COP1: variants seen among roughly 807,000 people sequenced by gnomAD.
COP1 encodes E3 ubiquitin-protein ligase COP1.
In COP1, 24 loss-of-function variants were observed where a neutral mutation model predicts 101.3. The ratio of observed to expected loss-of-function variants is 0.24; its 90% CI spans 0.17 to 0.33. The LOEUF (loss-of-function observed/expected upper bound fraction) is 0.33, where lower values mean the gene tolerates loss of function less well. Among genes scored for constraint, COP1 ranks in the 10% least tolerant of loss-of-function variants. The pLI is 1.00. For synonymous variants in COP1, 347 were observed against 341.9 expected, an observed-to-expected ratio of 1.01 and a Z score of -0.17; for missense variants, 663 against 906.2, an observed-to-expected ratio of 0.73 and a Z score of 3.45.
At chr1:175,995,109 C>A (rs144333952) in intron 15 of COP1, among the ~76,000 whole-genome samples, 1 of 152,176 alleles carries the variant, frequency 6.6e-6, no homozygotes, top group African/African-American at 2.4e-5. Context: ...AACCGCTCAA[C>A]TACATGGAAA....
intron 2 of COP1, among the ~76,000 whole-genome samples, chr1:176,179,064 T>C (rs1309694642): frequency 2.0e-5 from 3 of 149,260 alleles, no homozygotes; most frequent in South Asian, 4.3e-4. Flanking sequence ...CCACGGTGGG[T>C]GGATCACTTG....
At position 176,206,903 on chromosome 1, in the gene COP1, A is replaced by G. The variant is rs1700924043; in HGVS notation, c.76T>C (p.Ser26Pro). The G allele has an allele frequency of 2.0e-6, 3 of 1,465,812 alleles. No homozygotes were observed. The highest frequency in any genetic ancestry group is 1.3e-5 in the South Asian group (1 of 77,450). The allele number at this position is 1,465,812 out of a possible 1,614,324, so 90.8% of individuals were successfully genotyped here. ...GAAGAGGATAAAGACGAGGAGGCGG[A>G]AGTCACCGAGGAGGCCGCCGAGGAC... ...PGSSAASSVT[S>P]ASSSLSSSPS... is the part of the protein sequence containing the mutation. The change falls in exon 1 of 20, where the codon TCC (serine) becomes CCC (proline). Residue 26 changes from serine to proline, a missense_variant. Physicochemically the swap from Ser to Pro is moderately conservative, Grantham distance 74 (BLOSUM62 -1). This residue lies in a region of COP1 where 204 missense variants were observed against 203.6 expected (regional missense o/e 1.00). Coordinates refer to ENST00000367669, the MANE Select transcript of COP1 (RefSeq NM_022457.7).
At chr1:176,203,937 C>G (rs780179035) in intron 1 of COP1, among the ~76,000 whole-genome samples, 1 of 152,162 alleles carries the variant, frequency 6.6e-6, no homozygotes, top group Non-Finnish European at 1.5e-5. Context: ...ACCACCCACC[C>G]CAGCCTCCAA....
chr1:175,947,173 G>A, intron 19 of COP1, 22 bp downstream of exon 19: 1 of 1,552,490 alleles, frequency 6.4e-7, no homozygotes, highest in Non-Finnish European at 8.9e-7. Flanking sequence ...AGTTTAAAAT[G>A]GAGATATAGT....
intron 6 of COP1, among the ~76,000 whole-genome samples, chr1:176,147,773 G>A (rs1691786350): frequency 6.6e-6 from 1 of 152,146 alleles, no homozygotes; most frequent in Admixed American, 6.5e-5. Context: ...CACATCAAAG[G>A]CCAAATGAAG....
intron 14 of COP1, among the ~76,000 whole-genome samples, chr1:176,041,032 G>A (rs1218751590): frequency 6.6e-6 from 1 of 151,430 alleles, no homozygotes; most frequent in Non-Finnish European, 1.5e-5. Context: ...ACAAGAAACA[G>A]AAAAAAAAGG....
chr1:176,114,355 G>A (rs949537161), intron 9 of COP1, among the ~76,000 whole-genome samples: 3 of 152,072 alleles, frequency 2.0e-5, no homozygotes, highest in African/African-American at 7.2e-5. Flanking sequence ...ACAGGATGAT[G>A]TACAGAGTAG....
At chr1:176,168,105 T>C (rs1418212222) in intron 3 of COP1, among the ~76,000 whole-genome samples, 6 of 151,978 alleles carry the variant, frequency 3.9e-5, no homozygotes, top group African/African-American at 1.2e-4. Context: ...TCGCCCAGGC[T>C]GGAGTGCAAT....
chr1:176,094,107 A>G (rs1382838452), intron 9 of COP1, among the ~76,000 whole-genome samples: 1 of 152,104 alleles, frequency 6.6e-6, no homozygotes, highest in Non-Finnish European at 1.5e-5. Context: ...AATAATTAAC[A>G]ATAATCAGGA....
At chr1:176,173,383 C>T (rs1396259965) in intron 3 of COP1, among the ~76,000 whole-genome samples, 1 of 146,524 alleles carries the variant, frequency 6.8e-6, no homozygotes, top group Non-Finnish European at 1.5e-5. Context: ...CATCTGTAAT[C>T]CCGACACTTT....
intron 11 of COP1, among the ~76,000 whole-genome samples, chr1:176,068,090 G>C (rs1420967253): frequency 6.6e-6 from 1 of 152,202 alleles, no homozygotes; most frequent in Non-Finnish European, 1.5e-5. Flanking sequence ...AGGTATATGG[G>C]AAATCTCTGT....
chr1:175,965,162 G>T (rs545543633), intron 18 of COP1, among the ~76,000 whole-genome samples: 17 of 152,070 alleles, frequency 1.1e-4, no homozygotes, highest in African/African-American at 3.9e-4. Flanking sequence ...AACTAAAATA[G>T]CTTCTCTCCT....
At chr1:176,082,413 T>C (rs1679329725) in intron 10 of COP1, among the ~76,000 whole-genome samples, 1 of 152,178 alleles carries the variant, frequency 6.6e-6, no homozygotes, top group Non-Finnish European at 1.5e-5. Flanking sequence ...GCAGATAATA[T>C]AATGCACAGT....
intron 5 of COP1, among the ~76,000 whole-genome samples, chr1:176,153,519 C>T (rs1692954262): frequency 6.6e-6 from 1 of 152,112 alleles, no homozygotes; most frequent in Non-Finnish European, 1.5e-5. Context: ...AGGTATAGAA[C>T]CATGTCATCT....
At chr1:176,103,472 G>A (rs906225183) in intron 9 of COP1, among the ~76,000 whole-genome samples, 1 of 152,182 alleles carries the variant, frequency 6.6e-6, no homozygotes, top group Admixed American at 6.5e-5. Flanking sequence ...TGCATGCCCA[G>A]AGAGGGCATG....
intron 11 of COP1, among the ~76,000 whole-genome samples, chr1:176,046,531 A>C (rs1671547501): frequency 6.6e-6 from 1 of 152,134 alleles, no homozygotes; most frequent in African/African-American, 2.4e-5. Flanking sequence ...ACATTTGTAT[A>C]TCTACACAAT....
chr1:176,100,276 C>A, intron 9 of COP1: 1 of 228,270 alleles, frequency 4.4e-6, no homozygotes, highest in South Asian at 4.3e-5. Flanking sequence ...GTAATCCCAG[C>A]TACTTGGGAG....
rs1348026612 is a variant in COP1 at position 176,024,848 on chromosome 1, TAAC to T, written c.1729+2721_1729+2723del. ...ATTCCATTCACAACAGAAATGAAAG[TAAC>T]AAAATAAGGATAAATTTAACAAAAG... On this transcript the variant is annotated intron_variant, in intron 15 of 19. Transcript: ENST00000367669. Among the ~76,000 whole-genome samples the T allele has an allele frequency of 3.9e-5, 6 of 152,116 alleles. No homozygotes were observed. In the East Asian group the frequency reaches 1.2e-3, roughly 29 times the overall value.
chr1:175,989,610 A>C (rs1177356548), intron 15 of COP1, 131 bp from the exon 16 acceptor site: 2 of 568,992 alleles, frequency 3.5e-6, no homozygotes, highest in African/African-American at 3.7e-5. Context: ...CAGAAAACAA[A>C]GGAAAAGGAA....
Sources: allele counts gnomAD v4.1 joint callset (sites outside exome capture counted in the v4.1 genomes callset), GRCh38; gene constraint gnomAD v4.1.1; regional missense constraint gnomAD v4.1.1; transcripts MANE v1.5; gene names NCBI Gene and HGNC (gene_info 2026-07-23, HGNC 2026-07-21).